STK32B: variants seen among roughly 807,000 people sequenced by gnomAD.
The protein encoded by STK32B is serine/threonine kinase 32B.
A neutral mutation model predicts 52.6 loss-of-function variants in STK32B; 43 were observed. The ratio of observed to expected loss-of-function variants is 0.82; its 90% CI spans 0.64 to 1.05. The LOEUF is 1.05. STK32B is among the 50% of genes least tolerant of loss of function. STK32B has a pLI of 0.00. For synonymous variants in STK32B, 238 were observed against 204.3 expected (o/e 1.17, Z -1.41); for missense variants, 621 against 534.6 (o/e 1.16, Z -1.59).
chr4:5,261,726 A>C (rs1285082569), intron 3 of STK32B, among the ~76,000 whole-genome samples: 2 of 152,122 alleles, frequency 1.3e-5, no homozygotes, highest in Non-Finnish European at 2.9e-5. Flanking sequence ...GGACACTCAG[A>C]AAGGTAGTTG....
At chr4:5,486,788 C>T (rs116083201) in intron 11 of STK32B, among the ~76,000 whole-genome samples, 1,524 of 152,334 alleles carry the variant, frequency 0.01, 23 homozygotes, top group African/African-American at 0.034. Context: ...AATTGCAATT[C>T]AGGGCATACA....
At chr4:5,163,491 G>C (rs73797109) in intron 2 of STK32B, among the ~76,000 whole-genome samples, 2,082 of 151,972 alleles carry the variant, frequency 0.014, 40 homozygotes, top group African/African-American at 0.048. Context: ...GTTGGTGATA[G>C]AGAAACTCTT....
intron 3 of STK32B, among the ~76,000 whole-genome samples, chr4:5,273,834 G>T (rs1577277020): frequency 8.1e-6 from 1 of 123,868 alleles, no homozygotes; most frequent in East Asian, 2.5e-4. Context: ...ACACTCTGGG[G>T]ACTGTGGTGG....
intron 1 of STK32B, among the ~76,000 whole-genome samples, chr4:5,130,718 T>G (rs746085839): frequency 1.3e-5 from 2 of 152,148 alleles, no homozygotes; most frequent in South Asian, 2.1e-4. Context: ...AAGGCGCTGC[T>G]GAGGCCTGAC....
chr4:5,181,701 A>G (rs1443884016), intron 3 of STK32B, among the ~76,000 whole-genome samples: 1 of 152,258 alleles, frequency 6.6e-6, no homozygotes, highest in Admixed American at 6.5e-5. Context: ...TGTCTAAAAA[A>G]CAAGGTACGT....
rs2109168478 is a variant in STK32B, at chr4:5,467,929, C to T, written c.1042-77C>T. 5 of 1,527,258 alleles carry T rather than the reference C, an allele frequency of 3.3e-6. No individual in the cohort carries two copies. The highest frequency in any genetic ancestry group is 2.3e-5 in the East Asian group (1 of 44,430). 94.6% of individuals were successfully genotyped at this position (1,527,258 alleles called of 1,614,324 possible). On this transcript the variant is annotated intron_variant, in intron 10 of 11. Coordinates refer to ENST00000282908, the MANE Select transcript of STK32B (RefSeq NM_018401.3). This position sits in a 1 kb window ranked among gnomAD's most constrained non-coding sequence, Gnocchi z 5.8. ...GAGGTTTCCATCTAGGTCAGTCTGC[C>T]GTCCTGTGATGCTCCATTACCGCGC...
At chr4:5,250,197 G>A (rs1404433670) in intron 3 of STK32B, among the ~76,000 whole-genome samples, 1 of 151,848 alleles carries the variant, frequency 6.6e-6, no homozygotes, top group South Asian at 2.1e-4. Context: ...TTGCTATTGT[G>A]AATAGTGCTG....
chr4:5,277,704 T>C (rs1254221314), intron 3 of STK32B, among the ~76,000 whole-genome samples: 1 of 152,236 alleles, frequency 6.6e-6, no homozygotes, highest in Non-Finnish European at 1.5e-5. Flanking sequence ...TGTATGGTTT[T>C]CATAGTGTTC....
chr4:5,244,101 G>A (rs1166211467), intron 3 of STK32B, among the ~76,000 whole-genome samples: 1 of 152,160 alleles, frequency 6.6e-6, no homozygotes, highest in Non-Finnish European at 1.5e-5. Flanking sequence ...CATAAAATGA[G>A]TTAGGGAGGA....
intron 1 of STK32B, among the ~76,000 whole-genome samples, chr4:5,094,952 G>A (rs1403755978): frequency 6.6e-6 from 1 of 152,186 alleles, no homozygotes; most frequent in African/African-American, 2.4e-5. Context: ...ACTACTAGCT[G>A]CCAGGCCCTG....
intron 3 of STK32B, among the ~76,000 whole-genome samples, chr4:5,321,377 A>T (rs1731478358): frequency 6.6e-6 from 1 of 152,146 alleles, no homozygotes; most frequent in African/African-American, 2.4e-5. Flanking sequence ...TTGTAAGAGA[A>T]TGCAAGTTAT....
At chr4:5,236,928 A>G (rs1214269678) in intron 3 of STK32B, among the ~76,000 whole-genome samples, 1 of 152,180 alleles carries the variant, frequency 6.6e-6, no homozygotes. Flanking sequence ...GGCTGTGCTT[A>G]TGTGTAGTTT....
chr4:5,204,209 A>T (rs1391120348), intron 3 of STK32B: 2 of 152,166 alleles, frequency 1.3e-5, no homozygotes, highest in Non-Finnish European at 2.9e-5. Flanking sequence ...GTATTAATAG[A>T]TCTCTCGAGC....
At chr4:5,186,913 G>A (rs917420047) in intron 3 of STK32B, among the ~76,000 whole-genome samples, 1 of 152,116 alleles carries the variant, frequency 6.6e-6, no homozygotes, top group Non-Finnish European at 1.5e-5. Context: ...TTCTTCAGGG[G>A]GCAGGATTGG....
At chr4:5,254,696 G>A (rs1341445551) in intron 3 of STK32B, among the ~76,000 whole-genome samples, 2 of 152,066 alleles carry the variant, frequency 1.3e-5, no homozygotes, top group Non-Finnish European at 2.9e-5. Flanking sequence ...TTGAGTTCCA[G>A]CTTAATTTAA....
chr4:5,162,103 C>T (rs1441170297), intron 2 of STK32B, among the ~76,000 whole-genome samples: 1 of 152,098 alleles, frequency 6.6e-6, no homozygotes, highest in African/African-American at 2.4e-5. Flanking sequence ...TGAAAGGATC[C>T]TCGAGACTTT....
At chr4:5,475,730 T>C (rs567395752) in intron 11 of STK32B, among the ~76,000 whole-genome samples, 36 of 148,448 alleles carry the variant, frequency 2.4e-4, no homozygotes, top group African/African-American at 8.8e-4. Flanking sequence ...TTCTGACAAA[T>C]CTCAGCCAAT....
Position 5,460,079 on chromosome 4 carries a change from A to G in STK32B, c.784-24A>G. ...CCTTGAGGGATGCCCAATTCATGGA[A>G]ACTCATTTGCCCTCTAACTGCAGCT... On this transcript the variant is annotated intron_variant, in intron 8 of 11. Coordinates refer to ENST00000282908, the MANE Select transcript of STK32B (RefSeq NM_018401.3). The surrounding 1 kb of genome is among the most constrained non-coding windows in gnomAD (Gnocchi z 4.8). 3.7e-6 allele frequency: 6 copies of G among 1,614,154 alleles called. No homozygotes were observed. Among genetic ancestry groups the G allele is most frequent in the African/African-American group, 1.3e-5 (1 of 75,026 alleles).
intron 8 of STK32B, among the ~76,000 whole-genome samples, chr4:5,459,690 C>G (rs544757707): frequency 1.3e-5 from 2 of 152,280 alleles, no homozygotes; most frequent in South Asian, 4.1e-4. Flanking sequence ...TCGTAGCTGT[C>G]CAGGTATAAA....
Sources: allele counts gnomAD v4.1 joint callset (sites outside exome capture counted in the v4.1 genomes callset), GRCh38; gene constraint gnomAD v4.1.1; non-coding constraint Gnocchi (gnomAD v3.1); transcripts MANE v1.5; gene names NCBI Gene and HGNC (gene_info 2026-07-23, HGNC 2026-07-21).